The following ZFP2 variants were observed in gnomAD, a reference collection of about 807,000 sequenced individuals.
The protein encoded by ZFP2 is ZFP2 zinc finger protein, also known as zinc finger protein ZFP2.
In ZFP2, 33 loss-of-function variants were observed where a neutral mutation model predicts 36.1. That is an observed-to-expected ratio of 0.92 (90% CI 0.69 to 1.22). The LOEUF is 1.22. Ranked by LOEUF, ZFP2 falls within the 50% of genes most tolerant of loss-of-function variation. ZFP2 has a pLI of 0.00. For missense variants in ZFP2, 522 were observed against 551.4 expected (o/e 0.95, Z 0.53); for synonymous variants, 170 against 178.0 (o/e 0.96, Z 0.36).
intron 3 of ZFP2, 50 bp from the exon 4 acceptor site, chr5:178,916,515 G>A (rs895216819): frequency 5.0e-5 from 49 of 982,008 alleles, no homozygotes; most frequent in Middle Eastern, 5.2e-4. Flanking sequence ...GAATGGAAAG[G>A]AGCCCATAGA....
In ZFP2 at chr5:178,923,489, A is replaced by G. The variant is rs1291280290; in HGVS notation, c.-78+6779A>G. ...TGTCACTGCCAGTCTTTTTATACCCAAACTAACTTCCCCATTCATGTTTAT... is the reference window on the plus strand; with the variant it reads ...TGTCACTGCCAGTCTTTTTATACCCGAACTAACTTCCCCATTCATGTTTAT... On this transcript the variant is annotated intron_variant, in intron 4 of 4. Transcript: ENST00000361362. Among the ~76,000 whole-genome samples, 3 of 149,720 alleles carry G rather than the reference A, an allele frequency of 2.0e-5. 1 individual carries two copies. Among genetic ancestry groups the G allele is most frequent in the Admixed American group, 6.7e-5 (1 of 14,940 alleles).
chr5:178,913,120 A>C (rs1758331337), intron 3 of ZFP2, 49 bp downstream of exon 3: 10 of 952,938 alleles, frequency 1.0e-5, no homozygotes, highest in Non-Finnish European at 1.2e-5. Context: ...TCTTTGGGGA[A>C]AATCACTTCA....
chr5:178,897,771 C>T (rs79666113), intron 1 of ZFP2, among the ~76,000 whole-genome samples: 1 of 151,902 alleles, frequency 6.6e-6, no homozygotes, highest in South Asian at 2.1e-4. Context: ...GAGAGTTTAT[C>T]TGTTTTATTT....
At chr5:178,927,180 TCAAA>T (rs1561684830) in intron 4 of ZFP2, among the ~76,000 whole-genome samples, 2 of 152,138 alleles carry the variant, frequency 1.3e-5, no homozygotes. Flanking sequence ...CAGCCTCCTC[TCAAA>T]CAGTTTAGCA....
In ZFP2 at chr5:178,899,507, AG is replaced by A. The variant is rs145104976; in HGVS notation, c.-450+3534del. Among the ~76,000 whole-genome samples the A allele has an allele frequency of 8.7e-3, 1,321 of 152,248 alleles. 69 individuals are homozygous for A. The East Asian group carries it at 0.14, about 16-fold the overall frequency. ...CTGAAGGGGGCAGTGACTGATAGTG[AG>A]AAATGCTCTGCTGGAGTAGAAGAAA... On this transcript the variant is annotated intron_variant, in intron 1 of 4. Coordinates refer to ENST00000361362, the MANE Select transcript of ZFP2 (RefSeq NM_030613.4).
intron 1 of ZFP2, among the ~76,000 whole-genome samples, chr5:178,897,551 AT>A (rs1472523760): frequency 2.0e-5 from 3 of 151,944 alleles, no homozygotes; most frequent in African/African-American, 7.2e-5. Context: ...GTACATTTTT[AT>A]TTTTTTCCAA....
rs895913996 is a variant in ZFP2 at position 178,913,086 on chromosome 5, G to T, written c.-224+15G>T. ...TGGCTTTCGAGGTAAGTGCCAGGCT[G>T]TGCAGACTTGTTAAATGAGTGTGTC... On this transcript the variant is annotated intron_variant, in intron 3 of 4. Transcript: ENST00000361362. 1 of 984,008 alleles carries T rather than the reference G, an allele frequency of 1.0e-6. No homozygotes were observed. Among genetic ancestry groups the T allele is most frequent in the South Asian group, 4.7e-5 (1 of 21,254 alleles). The allele number at this position is 984,008 out of a possible 1,614,324, so 61.0% of individuals were successfully genotyped here.
At chr5:178,913,109 G>A in intron 3 of ZFP2, 38 bp downstream of exon 3, 1 of 968,722 alleles carries the variant, frequency 1.0e-6, no homozygotes, top group Non-Finnish European at 1.2e-6. Flanking sequence ...AAATGAGTGT[G>A]TCTTTGGGGA....
At chr5:178,909,086 G>A (rs1758233983) in intron 1 of ZFP2, among the ~76,000 whole-genome samples, 1 of 143,326 alleles carries the variant, frequency 7.0e-6, no homozygotes, top group Non-Finnish European at 1.5e-5. Context: ...GGCCTGGATG[G>A]AATCCAGGGC....
Position 178,932,802 on chromosome 5 carries a change from TTCAGTTGAAGTACAATATGTCATA to T in ZFP2, c.*108_*131del. On this transcript the variant is annotated 3_prime_UTR_variant, in exon 5 of 5. Transcript: ENST00000361362. The stretch of plus-strand genomic sequence containing the variant: ...ATAAATGTAATGATTGTGGGAATCT[TTCAGTTGAAGTACAATATGTCATA>T]TCAGATAATACCACTGCAGAGAATC... 7.1e-7 allele frequency: 1 copy of T among 1,406,858 alleles called. No individual in the cohort carries two copies. The highest frequency in any genetic ancestry group is 9.5e-7 in the Non-Finnish European group (1 of 1,053,554). 87.1% of individuals were successfully genotyped at this position (1,406,858 alleles called of 1,614,324 possible). A position where few individuals can be genotyped will look rare whatever the true frequency, so the allele number is the denominator to read the frequency against.
rs1193487756 is a variant in ZFP2 at position 178,933,005 on chromosome 5, T to C, written c.*306T>C. The C allele has an allele frequency of 4.0e-6, 1 of 247,562 alleles. No homozygotes were observed. The highest frequency in any genetic ancestry group is 9.9e-5 in the East Asian group (1 of 10,144). The allele number at this position is 247,562 out of a possible 1,614,324, so 15.3% of individuals were successfully genotyped here. ...CCTTTGGCTATCAGAGACTTTACAC[T>C]GGAGAGAAAAATGTGAGAGTGTTTA... On this transcript the variant is annotated 3_prime_UTR_variant, in exon 5 of 5. Coordinates refer to ENST00000361362, the MANE Select transcript of ZFP2 (RefSeq NM_030613.4).
chr5:178,922,216 A>G, intron 4 of ZFP2: 1 of 1,086,680 alleles, frequency 9.2e-7, no homozygotes, highest in Non-Finnish European at 1.4e-6. Flanking sequence ...CTGGTTTTGT[A>G]ACTGCTGTCA....
In ZFP2 at chr5:178,932,520, A is replaced by G; in HGVS notation, c.1207A>G (p.Ile403Val). ...QSAYLIEHQR[I>V]HTGEKPYECD... ...TGCTTACCTTATTGAACATCAAAGAATTCATACTGGTGAGAAACCCTATGA... is the reference window on the plus strand; with the variant it reads ...TGCTTACCTTATTGAACATCAAAGAGTTCATACTGGTGAGAAACCCTATGA... Residue 403 changes from isoleucine to valine, a missense_variant, in exon 5 of 5, where the codon ATT becomes GTT. Transcript: ENST00000361362. The G allele has an allele frequency of 6.2e-7, 1 of 1,614,168 alleles. No homozygotes were observed.
chr5:178,912,839 T>C (rs1758324402), intron 2 of ZFP2, 120 bp downstream of exon 2: 1 of 906,166 alleles, frequency 1.1e-6, no homozygotes. Context: ...TGAAATTTTC[T>C]GTAGAGAATG....
At chr5:178,917,840 A>G (rs1297437456) in intron 4 of ZFP2, among the ~76,000 whole-genome samples, 1 of 152,210 alleles carries the variant, frequency 6.6e-6, no homozygotes, top group African/African-American at 2.4e-5. Flanking sequence ...TACTATAATG[A>G]ATGTAGAAGT....
At chr5:178,909,763 C>T (rs2113075455) in intron 1 of ZFP2, 1 of 1,573,006 alleles carries the variant, frequency 6.4e-7, no homozygotes, top group Non-Finnish European at 8.6e-7. Context: ...GCACCTCTCC[C>T]TTCCTCTTCT....
intron 4 of ZFP2, among the ~76,000 whole-genome samples, chr5:178,927,663 ATGTG>A (rs33974182): frequency 0.078 from 7,199 of 92,194 alleles, 429 homozygotes; most frequent in African/African-American, 0.18. Flanking sequence ...TACCTGGCCA[ATGTG>A]TGTGTGTGTG....
In ZFP2 at chr5:178,931,509, A is replaced by C. The variant is rs575625530; in HGVS notation, c.196A>C (p.Ser66Arg). ...GGATTCAATCCTTGATACACAGCAAAGCATTCCTATGGTAAAAAGGCCCCA... is the reference window on the plus strand; with the variant it reads ...GGATTCAATCCTTGATACACAGCAACGCATTCCTATGGTAAAAAGGCCCCA... ...SQDSILDTQQ[S>R]IPMVKRPHNC... The change falls in exon 5 of 5, where the codon AGC becomes CGC. Residue 66 changes from serine (S) to arginine (R), a missense_variant. Ser to Arg is a moderately radical substitution (Grantham distance 110). Coordinates refer to ENST00000361362, the MANE Select transcript of ZFP2 (RefSeq NM_030613.4). 8.1e-6 allele frequency: 13 copies of C among 1,614,212 alleles called. No homozygotes were observed. In the Admixed American group the frequency reaches 2.0e-4, roughly 25 times the overall value.
chr5:178,930,552 C>G (rs933747595), intron 4 of ZFP2, among the ~76,000 whole-genome samples: 1 of 152,034 alleles, frequency 6.6e-6, no homozygotes, highest in Non-Finnish European at 1.5e-5. Flanking sequence ...AACTCCTGAC[C>G]TCAAGTGATC....
Sources: allele counts gnomAD v4.1 joint callset (sites outside exome capture counted in the v4.1 genomes callset), GRCh38; gene constraint gnomAD v4.1.1; transcripts MANE v1.5; gene names NCBI Gene and HGNC (gene_info 2026-07-23, HGNC 2026-07-21).